The following RFT1 variants were observed in gnomAD, a reference collection of about 807,000 sequenced individuals.
RFT1 encodes man(5)GlcNAc(2)-PP-dolichol translocation protein RFT1.
A neutral mutation model predicts 62.2 loss-of-function variants in RFT1; 43 were observed. The ratio of observed to expected loss-of-function variants is 0.69; its 90% CI spans 0.54 to 0.89. The LOEUF (loss-of-function observed/expected upper bound fraction) is 0.89. Ranked by LOEUF, RFT1 falls within the 40% of genes least tolerant of loss-of-function variation. The probability of loss-of-function intolerance (pLI) is 0.00; values close to 1 mark genes in which losing one functional copy is unlikely to be tolerated. For synonymous variants in RFT1, 262 were observed against 264.6 expected (o/e 0.99, Z 0.10); for missense variants, 605 against 649.9 (o/e 0.93, Z 0.75).
At chr3:53,111,563 C>T (rs754461522) in intron 7 of RFT1, among the ~76,000 whole-genome samples, 15 of 152,200 alleles carry the variant, frequency 9.9e-5, no homozygotes, top group Non-Finnish European at 1.5e-4. Context: ...TCTGCAACCT[C>T]ACTGACCCTT....
intron 10 of RFT1, among the ~76,000 whole-genome samples, chr3:53,101,648 T>C (rs1040044102): frequency 6.6e-6 from 1 of 152,190 alleles, no homozygotes; most frequent in Non-Finnish European, 1.5e-5. Context: ...TGAGAATCTG[T>C]CCTTATTTGG....
intron 6 of RFT1, among the ~76,000 whole-genome samples, chr3:53,119,385 C>G (rs762478940): frequency 1.3e-5 from 2 of 152,234 alleles, no homozygotes; most frequent in African/African-American, 4.8e-5. Context: ...TGTCCTCACT[C>G]TGACCCTCAC....
chr3:53,099,156 G>A (rs557862706), intron 11 of RFT1, among the ~76,000 whole-genome samples: 44 of 152,194 alleles, frequency 2.9e-4, no homozygotes, highest in Non-Finnish European at 5.0e-4. Context: ...TCCACAAAGG[G>A]GAGGCAAAGA....
chr3:53,113,222 G>T (rs529434132), intron 6 of RFT1, among the ~76,000 whole-genome samples: 2 of 152,182 alleles, frequency 1.3e-5, no homozygotes, highest in East Asian at 3.9e-4. Flanking sequence ...TTGCTGCATT[G>T]CCCAGGCTGG....
the RFT1 span, among the ~76,000 whole-genome samples, chr3:53,067,288 G>A: frequency 1.3e-5 from 2 of 152,202 alleles, no homozygotes; most frequent in Admixed American, 6.5e-5. Context: ...GTTGGAGGCT[G>A]CAGCGAGCCG....
chr3:53,122,622 A>C, intron 3 of RFT1, 59 bp from the exon 4 acceptor site: 1 of 1,139,520 alleles, frequency 8.8e-7, no homozygotes, highest in African/African-American at 1.6e-5. Context: ...ATATATATTA[A>C]AATAGTAACA....
chr3:53,099,141 C>T (rs371339707), intron 11 of RFT1, among the ~76,000 whole-genome samples: 2 of 152,250 alleles, frequency 1.3e-5, no homozygotes, highest in African/African-American at 4.8e-5. Flanking sequence ...GCCGATGTTT[C>T]TTCCTCCACA....
chr3:53,106,629 C>G (rs1376283087), intron 8 of RFT1, among the ~76,000 whole-genome samples, 190 bp downstream of exon 8: 1 of 152,168 alleles, frequency 6.6e-6, no homozygotes, highest in Non-Finnish European at 1.5e-5. Flanking sequence ...GGGCCGGGGT[C>G]TCACCAGAAT....
chr3:53,093,561 G>C (rs1206951542), intron 11 of RFT1, among the ~76,000 whole-genome samples: 1 of 152,100 alleles, frequency 6.6e-6, no homozygotes, highest in Non-Finnish European at 1.5e-5. Context: ...ATGTCTGCTG[G>C]GTTAGAAAAC....
intron 2 of RFT1, among the ~76,000 whole-genome samples, chr3:53,124,877 C>T (rs114622684): frequency 2.6e-5 from 4 of 152,006 alleles, no homozygotes; most frequent in African/African-American, 9.7e-5. Flanking sequence ...GAGGCTCATA[C>T]GGGAGCATCG....
chr3:53,123,897 C>T (rs1702038245), intron 2 of RFT1, 57 bp from the exon 3 acceptor site: 5 of 1,419,516 alleles, frequency 3.5e-6, no homozygotes, highest in Non-Finnish European at 4.9e-6. Context: ...GAGAGAACTT[C>T]TGGGATTTTT....
At chr3:53,117,754 C>T (rs11710524) in intron 6 of RFT1, among the ~76,000 whole-genome samples, 2,438 of 152,280 alleles carry the variant, frequency 0.016, 25 homozygotes, top group Non-Finnish European at 0.022. Flanking sequence ...CCCACTTGTG[C>T]CAGGCCACAA....
At chr3:53,123,488 C>A (rs1311649404) in intron 3 of RFT1, among the ~76,000 whole-genome samples, 1 of 152,198 alleles carries the variant, frequency 6.6e-6, no homozygotes, top group African/African-American at 2.4e-5. Flanking sequence ...AGAAACCTGG[C>A]CCAGAAACCC....
the RFT1 span, among the ~76,000 whole-genome samples, chr3:53,067,492 C>T: frequency 6.6e-6 from 1 of 152,180 alleles, no homozygotes; most frequent in Admixed American, 6.5e-5. Context: ...GTGGTTACTT[C>T]TGGGCTAGGG....
chr3:53,125,623 A>G (rs979594554), intron 2 of RFT1, among the ~76,000 whole-genome samples: 1 of 152,138 alleles, frequency 6.6e-6, no homozygotes, highest in Non-Finnish European at 1.5e-5. Flanking sequence ...AATTACTCCC[A>G]CTCTTCTCCT....
chr3:53,111,720 C>A (rs1304182528), intron 7 of RFT1, 110 bp downstream of exon 7: 1 of 898,792 alleles, frequency 1.1e-6, no homozygotes, highest in Non-Finnish European at 1.9e-6. Flanking sequence ...TTCTGAAATT[C>A]TTCTGCCCCA....
chr3:53,074,896 C>A, the RFT1 span, among the ~76,000 whole-genome samples: 1 of 152,238 alleles, frequency 6.6e-6, no homozygotes, highest in African/African-American at 2.4e-5. Flanking sequence ...TGGGTCTAGC[C>A]CGTGGGGAGA....
the RFT1 span, among the ~76,000 whole-genome samples, chr3:53,072,131 G>A: frequency 7.9e-5 from 12 of 152,196 alleles, no homozygotes; most frequent in Non-Finnish European, 1.2e-4. Flanking sequence ...GGAGTGTCAG[G>A]ATGCAGAGAG....
chr3:53,099,137 G>A (rs1701237630), intron 11 of RFT1, among the ~76,000 whole-genome samples: 1 of 152,100 alleles, frequency 6.6e-6, no homozygotes, highest in South Asian at 2.1e-4. Flanking sequence ...CAGAGCCGAT[G>A]TTTCTTCCTC....
Sources: allele counts gnomAD v4.1 joint callset (sites outside exome capture counted in the v4.1 genomes callset), GRCh38; gene constraint gnomAD v4.1.1; transcripts MANE v1.5; gene names NCBI Gene and HGNC (gene_info 2026-07-23, HGNC 2026-07-21).